The following EPB41L1 variants were observed in gnomAD, a reference collection of about 807,000 sequenced individuals.
EPB41L1 encodes the protein band 4.1-like protein 1.
A neutral mutation model predicts 97.8 loss-of-function variants in EPB41L1; 29 were observed. The ratio of observed to expected loss-of-function variants is 0.30; its 90% CI spans 0.22 to 0.40. EPB41L1 has a LOEUF of 0.40. EPB41L1 is among the 10% of genes least tolerant of loss of function. EPB41L1 has a pLI of 1.00. For synonymous variants in EPB41L1, 383 were observed against 459.2 expected, an observed-to-expected ratio of 0.83 and a Z score of 2.12; for missense variants, 812 against 1,162.3, an observed-to-expected ratio of 0.70 and a Z score of 4.38.
intron 1 of EPB41L1, among the ~76,000 whole-genome samples, chr20:36,170,641 C>T (rs2060949267): frequency 6.6e-6 from 1 of 152,070 alleles, no homozygotes; most frequent in African/African-American, 2.4e-5. Flanking sequence ...TTGGGGTTTG[C>T]TTGAGGCAGC....
At chr20:36,200,611 A>G (rs1283615426) in intron 14 of EPB41L1, among the ~76,000 whole-genome samples, 2 of 152,124 alleles carry the variant, frequency 1.3e-5, no homozygotes, top group African/African-American at 4.8e-5. Context: ...GCCATGGGGG[A>G]AGGGCACTGG....
At position 36,195,362 on chromosome 20, in the gene EPB41L1, G is replaced by A; in HGVS notation, c.1483G>A (p.Glu495Lys). The change falls in exon 13 of 22, where the codon GAG (glutamate) becomes AAG (lysine). Residue 495 changes from glutamate to lysine, a missense_variant and splice_region_variant. Glu to Lys is a moderately conservative substitution (Grantham distance 56, BLOSUM62 1). Coordinates refer to ENST00000338074, the MANE Select transcript of EPB41L1 (RefSeq NM_012156.2). This position sits in a 1 kb window ranked among gnomAD's most constrained non-coding sequence, Gnocchi z 4.6. The part of the protein sequence containing the change: ...EQETTPRHKQ[E>K]FLDKPEDVLL... ...GGAAACCACGCCGAGACACAAGCAG[G>A]AGGTACTGCATGGGACCTGTCCCTC... 1 of 1,613,968 alleles carries A rather than the reference G, an allele frequency of 6.2e-7. No homozygotes were observed.
rs766881473 is a variant in EPB41L1 at position 36,209,861 on chromosome 20, G to A, written c.2042G>A (p.Arg681Gln). The change falls in exon 15 of 22, where the codon CGA becomes CAA. Residue 681 changes from arginine (R) to glutamine (Q), a missense_variant. Arg to Gln is a conservative substitution (Grantham distance 43). Around this residue, in one of 3 missense-constraint regions of EPB41L1, gnomAD observed 498 missense variants for 622.7 expected, o/e 0.80. Transcript: ENST00000338074. The surrounding 1 kb of genome is among the most constrained non-coding windows in gnomAD (Gnocchi z 4.2). ...GGGGGCATTGAGGACAGCCCGGATC[G>A]AGGGGCCTGCTCCACCCCGGATATG... ...ESGGIEDSPDRGACSTPDMPQ... is the reference protein window; with the variant it reads ...ESGGIEDSPDQGACSTPDMPQ... 27 of 1,613,518 alleles carry A rather than the reference G, an allele frequency of 1.7e-5. No homozygotes were observed. The highest frequency in any genetic ancestry group is 1.3e-4 in the East Asian group (6 of 44,870).
chr20:36,125,555 G>C (rs1021341980), intron 2 of EPB41L1: 8 of 1,534,834 alleles, frequency 5.2e-6, no homozygotes, highest in Non-Finnish European at 7.0e-6. Flanking sequence ...ATTCAACAGT[G>C]GGGGATTCAG....
chr20:36,143,137 TTGTG>T (rs59256378), intron 2 of EPB41L1, among the ~76,000 whole-genome samples: 24,213 of 130,522 alleles, frequency 0.19, 1,968 homozygotes, highest in South Asian at 0.26. Context: ...GAGGGTGTGT[TTGTG>T]TGTGTGTGTG....
chr20:36,121,153 GA>G (rs1199208040), intron 2 of EPB41L1, among the ~76,000 whole-genome samples: 3 of 151,742 alleles, frequency 2.0e-5, no homozygotes, highest in Non-Finnish European at 4.4e-5. Context: ...GCCATCTCTG[GA>G]CCAGAAAGCA....
chr20:36,153,198 CAT>C (rs1233907081), upstream of EPB41L1: 4 of 417,474 alleles, frequency 9.6e-6, no homozygotes, highest in African/African-American at 4.1e-5. Context: ...GGCATAGCCT[CAT>C]TCTTTGGAGG....
intron 21 of EPB41L1, among the ~76,000 whole-genome samples, chr20:36,225,734 CG>C (rs960476955): frequency 6.6e-6 from 1 of 152,120 alleles, no homozygotes; most frequent in African/African-American, 2.4e-5. Flanking sequence ...CCCTCTCTCA[CG>C]CCTCCTCATC....
intron 2 of EPB41L1, chr20:36,125,316 T>C: frequency 1.5e-6 from 1 of 652,186 alleles, no homozygotes; most frequent in Non-Finnish European, 2.8e-6. Flanking sequence ...AGGGGTGACC[T>C]AAGAGTCAGA....
intron 14 of EPB41L1, among the ~76,000 whole-genome samples, chr20:36,204,289 A>G (rs2062666719): frequency 6.6e-6 from 1 of 152,072 alleles, no homozygotes; most frequent in African/African-American, 2.4e-5. Flanking sequence ...TTTCTGTCAC[A>G]TAGCCGACTT....
intron 19 of EPB41L1, 94 bp downstream of exon 19, chr20:36,219,938 G>T: frequency 9.0e-7 from 1 of 1,117,230 alleles, no homozygotes. Context: ...TCTGTAAAGT[G>T]GACAGAGAAA....
At position 36,184,392 on chromosome 20, in the gene EPB41L1, G is replaced by A. The variant is rs111385752; in HGVS notation, c.567-725G>A. Reference sequence around the variant, plus strand: ...AATGGTTTTAAATGGTTCTAAAATTGTAAAATCGTCCAACTGTGCATAAAA... The same window carrying A: ...AATGGTTTTAAATGGTTCTAAAATTATAAAATCGTCCAACTGTGCATAAAA... On this transcript the variant is annotated intron_variant, in intron 6 of 21. Transcript: ENST00000338074. Among the ~76,000 whole-genome samples the A allele has an allele frequency of 3.5e-3, 531 of 152,256 alleles. 1 individual carries two copies. Among genetic ancestry groups the A allele is most frequent in the African/African-American group, 9.5e-3 (396 of 41,550 alleles).
chr20:36,173,656 T>A (rs1207216228), intron 1 of EPB41L1, 108 bp from the exon 2 acceptor site: 1 of 988,262 alleles, frequency 1.0e-6, no homozygotes, highest in Non-Finnish European at 1.6e-6. Context: ...CTGTGACTCT[T>A]TGTCCGTTTG....
rs2063166243 is a variant in EPB41L1, at chr20:36,212,101, C to G, written c.2080-171C>G. 6.6e-6 allele frequency among the ~76,000 whole-genome samples: 1 copy of G among 152,218 alleles called. No homozygotes were observed. Among genetic ancestry groups the G allele is most frequent in the Non-Finnish European group, 1.5e-5 (1 of 68,036 alleles). On this transcript the variant is annotated intron_variant, in intron 15 of 21. Coordinates refer to ENST00000338074, the MANE Select transcript of EPB41L1 (RefSeq NM_012156.2). This position sits in a 1 kb window ranked among gnomAD's most constrained non-coding sequence, Gnocchi z 4.8. ...GGTCCTGGCTCTCCTCGCGGGCTAT[C>G]TGTCTATGATATCACACCACAACTC...
chr20:36,132,571 G>GA (rs1034181095), intron 2 of EPB41L1, among the ~76,000 whole-genome samples: 4 of 124,266 alleles, frequency 3.2e-5, no homozygotes, highest in Admixed American at 1.5e-4. Context: ...TGTGGGCGGG[G>GA]GGGGGGGGCG....
chr20:36,174,414 A>G (rs564118533), intron 2 of EPB41L1, among the ~76,000 whole-genome samples: 325 of 152,166 alleles, frequency 2.1e-3, no homozygotes, highest in Non-Finnish European at 3.7e-3. Context: ...CTGGGATTAC[A>G]GGCATGCACC....
intron 20 of EPB41L1, 99 bp from the exon 21 acceptor site, chr20:36,222,179 C>G (rs1461148927): frequency 8.5e-7 from 1 of 1,173,818 alleles, no homozygotes; most frequent in African/African-American, 1.5e-5. Context: ...CTCTGGGCCT[C>G]AGTTTTTCCA....
chr20:36,221,593 G>C (rs1008093180), intron 19 of EPB41L1, among the ~76,000 whole-genome samples: 1 of 152,234 alleles, frequency 6.6e-6, no homozygotes, highest in African/African-American at 2.4e-5. Flanking sequence ...GAAGACAGAA[G>C]CATTGCCAAC....
rs200093568 is a variant in EPB41L1 at position 36,190,957 on chromosome 20, CT to C, written c.1300+161del. ...CAAGACCAGTGCTGTCCCTGGGCAG[CT>C]CTTGGTGGCTTAGTCCCAACCTAGA... is the stretch of plus-strand genomic sequence containing the variant. On this transcript the variant is annotated intron_variant, in intron 11 of 21. Coordinates refer to ENST00000338074, the MANE Select transcript of EPB41L1 (RefSeq NM_012156.2). This position sits in a 1 kb window ranked among gnomAD's most constrained non-coding sequence, Gnocchi z 5.8. Among the ~76,000 whole-genome samples the C allele has an allele frequency of 0.024, 3,671 of 152,270 alleles. 58 individuals are homozygous for C. Among genetic ancestry groups the C allele is most frequent in the Middle Eastern group, 0.041 (12 of 294 alleles).
Sources: allele counts gnomAD v4.1 joint callset (sites outside exome capture counted in the v4.1 genomes callset), GRCh38; gene constraint gnomAD v4.1.1; regional missense constraint gnomAD v4.1.1; non-coding constraint Gnocchi (gnomAD v3.1); transcripts MANE v1.5; gene names NCBI Gene and HGNC (gene_info 2026-07-23, HGNC 2026-07-21).